Variants in LOXL2 observed in about 807,000 individuals in gnomAD.
LOXL2 encodes the protein lysyl oxidase homolog 2.
LOXL2 carries 70 observed loss-of-function variants against 93.0 expected under a neutral mutation model. The observed-to-expected ratio is 0.75, with a 90% CI of 0.62 to 0.92. LOXL2 has a LOEUF of 0.92. Among genes scored for constraint, LOXL2 ranks in the 40% least tolerant of loss-of-function variants. The probability of loss-of-function intolerance (pLI) is 0.00; values close to 1 mark genes in which losing one functional copy is unlikely to be tolerated. For missense variants in LOXL2, 973 were observed against 1,054.9 expected, an observed-to-expected ratio of 0.92 and a Z score of 1.08; for synonymous variants, 438 against 413.2, an observed-to-expected ratio of 1.06 and a Z score of -0.73.
chr8:23,374,891 A>G (rs1804562313), intron 1 of LOXL2, among the ~76,000 whole-genome samples: 1 of 152,156 alleles, frequency 6.6e-6, no homozygotes, highest in African/African-American at 2.4e-5. Context: ...CCCATTTTGT[A>G]GGTTGCCTGT....
chr8:23,304,290 T>G (rs1180437657), intron 10 of LOXL2, among the ~76,000 whole-genome samples: 1 of 152,208 alleles, frequency 6.6e-6, no homozygotes. Flanking sequence ...TTGGAACACA[T>G]GCGCTTGGTT....
At chr8:23,385,448 A>AG (rs1185580579) in intron 1 of LOXL2, among the ~76,000 whole-genome samples, 3 of 149,552 alleles carry the variant, frequency 2.0e-5, no homozygotes, top group Non-Finnish European at 4.4e-5. Context: ...TCAGTAGAGA[A>AG]GGGGTTTCAC....
Position 23,322,177 on chromosome 8 carries a change from C to T in LOXL2, c.1255G>A (p.Asp419Asn). 6.2e-7 allele frequency: 1 copy of T among 1,614,226 alleles called. No individual in the cohort carries two copies. The highest frequency in any genetic ancestry group is 8.5e-7 in the Non-Finnish European group (1 of 1,180,034). Residue 419 changes from aspartate (D) to asparagine (N), a missense_variant, in exon 7 of 14, where the codon GAT (aspartate) becomes AAT (asparagine). By Grantham distance (23) the Asp-to-Asn change is conservative. Transcript: ENST00000389131. ...AESQGCNHEE[D>N]AGVRCNTPAM... is the part of the protein sequence containing the mutation. ...GGGGTGTTGCATCTCACACCAGCAT[C>T]CTCCTCGTGGTTGCAGCCCTGAGAC... is the stretch of plus-strand genomic sequence containing the variant.
chr8:23,387,302 C>T (rs903331564), intron 1 of LOXL2, among the ~76,000 whole-genome samples: 3 of 152,194 alleles, frequency 2.0e-5, no homozygotes, highest in African/African-American at 2.4e-5. Context: ...GGCACTGTGT[C>T]CTCGGGGGGT....
rs1803741181 is a variant in LOXL2 at position 23,333,568 on chromosome 8, CG to C, written c.798del (p.Gly267AlafsTer20). ...QRYWPFSMDC[T>X]GTEAHISSCK... ...CAGCTGGAGATGTGGGCCTCTGTGC[CG>C]GTGCAGTCCATGGAGAATGGCCAGT... On this transcript the variant is annotated frameshift_variant, in exon 5 of 14. Coordinates refer to ENST00000389131, the MANE Select transcript of LOXL2 (RefSeq NM_002318.3). LOFTEE classifies it high-confidence loss of function. 6.2e-7 allele frequency: 1 copy of C among 1,613,860 alleles called. No individual in the cohort carries two copies. The highest frequency in any genetic ancestry group is 1.3e-5 in the African/African-American group (1 of 75,068).
chr8:23,363,146 T>G (rs1804330192), intron 2 of LOXL2: 1 of 152,262 alleles, frequency 6.6e-6, no homozygotes, highest in South Asian at 2.1e-4. Context: ...AAGCAATGCA[T>G]TCTACTGCTT....
At chr8:23,345,925 A>G (rs1803964056) in intron 3 of LOXL2, among the ~76,000 whole-genome samples, 1 of 151,524 alleles carries the variant, frequency 6.6e-6, no homozygotes, top group African/African-American at 2.4e-5. Flanking sequence ...AAAATTAGCC[A>G]GGCATGGTGG....
rs80120691 is a variant in LOXL2 at position 23,308,875 on chromosome 8, C to T, written c.1880+793G>A. 9.1e-3 allele frequency among the ~76,000 whole-genome samples: 1,381 copies of T among 152,018 alleles called. 84 individuals carry two copies. The East Asian group carries it at 0.16, about 18-fold the overall frequency. ...ATGCAGCTCGCTAGAGGCACGGCTG[C>T]GTTTAGAGACCAGGTCTCAGGACTC... On this transcript the variant is annotated intron_variant, in intron 10 of 13. Coordinates refer to ENST00000389131, the MANE Select transcript of LOXL2 (RefSeq NM_002318.3).
chr8:23,336,982 C>T (rs1803803241), intron 4 of LOXL2: 1 of 152,176 alleles, frequency 6.6e-6, no homozygotes, highest in South Asian at 2.1e-4. Context: ...ATAAAACTGG[C>T]TCAAGTACGG....
chr8:23,311,868 A>C (rs4871863), intron 9 of LOXL2, among the ~76,000 whole-genome samples: 3 of 152,118 alleles, frequency 2.0e-5, no homozygotes, highest in African/African-American at 7.2e-5. Flanking sequence ...CCTGTCGGGT[A>C]GGTGGTCAGG....
chr8:23,342,721 G>A (rs1404803379), intron 3 of LOXL2, among the ~76,000 whole-genome samples: 6 of 151,834 alleles, frequency 4.0e-5, no homozygotes, highest in African/African-American at 7.3e-5. Flanking sequence ...ATGAGCCACC[G>A]TGCCCGGCCT....
In LOXL2 at chr8:23,299,487, C is replaced by G. The variant is rs575002778; in HGVS notation, c.2134-540G>C. 2.0e-4 allele frequency among the ~76,000 whole-genome samples: 31 copies of G among 152,282 alleles called. No individual in the cohort carries two copies. In the South Asian group the frequency reaches 4.6e-3, roughly 22 times the overall value. ...GCTGGCCGAGGGCCTGGCTCTGGGG[C>G]TGCTGGAGAAGTTGCACCCTCTCCC... On this transcript the variant is annotated intron_variant, in intron 12 of 13. Transcript: ENST00000389131.
At chr8:23,335,469 AT>A (rs1322177257) in intron 4 of LOXL2, among the ~76,000 whole-genome samples, 1 of 152,144 alleles carries the variant, frequency 6.6e-6, no homozygotes, top group Non-Finnish European at 1.5e-5. Flanking sequence ...ATAAAACTGT[AT>A]TTGTTAAAGA....
At chr8:23,364,495 G>A (rs1342415445) in intron 2 of LOXL2, 2 of 152,184 alleles carry the variant, frequency 1.3e-5, no homozygotes, top group Admixed American at 1.3e-4. Flanking sequence ...ATGAAATTCA[G>A]TTGGAATGCC....
chr8:23,386,010 C>A (rs776488789), intron 1 of LOXL2: 1 of 765,242 alleles, frequency 1.3e-6, no homozygotes, highest in African/African-American at 1.7e-5. Flanking sequence ...CTTTGGACAA[C>A]CCCCTGAGCA....
chr8:23,371,700 C>T lies in LOXL2; in HGVS notation c.-83-3266G>A, dbSNP rs574735656. The stretch of plus-strand genomic sequence containing the variant: ...CCAGGAGGTGGAGGTTGCAGTGAGC[C>T]GAGGTCACGCCACTGCACTCCAGCC... On this transcript the variant is annotated intron_variant, in intron 1 of 13. Transcript: ENST00000389131. Among the ~76,000 whole-genome samples, 21 of 128,514 alleles carry T rather than the reference C, an allele frequency of 1.6e-4. No homozygotes were observed. The East Asian group carries it at 4.6e-3, about 28-fold the overall frequency. 84.3% of individuals were successfully genotyped at this position (128,514 alleles called of 152,430 possible). A position where few individuals can be genotyped will look rare whatever the true frequency, so the allele number is the denominator to read the frequency against.
chr8:23,345,862 ATTGG>A (rs1803963269), intron 3 of LOXL2, among the ~76,000 whole-genome samples: 1 of 151,938 alleles, frequency 6.6e-6, no homozygotes, highest in Non-Finnish European at 1.5e-5. Flanking sequence ...AGGTCAGGAG[ATTGG>A]GACCATCCTG....
intron 7 of LOXL2, among the ~76,000 whole-genome samples, chr8:23,321,006 G>A (rs1296910307): frequency 2.0e-5 from 3 of 152,184 alleles, no homozygotes; most frequent in Admixed American, 1.3e-4. Context: ...AGAAACAGAG[G>A]AGCAATTCTT....
intron 10 of LOXL2, among the ~76,000 whole-genome samples, chr8:23,305,164 G>A (rs929084468): frequency 3.3e-5 from 5 of 152,188 alleles, no homozygotes; most frequent in East Asian, 1.9e-4. Context: ...TGTCTGCATC[G>A]CTCAGAGAGG....
Sources: gnomAD v4.1 joint callset for allele counts (sites outside exome capture counted in the v4.1 genomes callset) on GRCh38, gnomAD v4.1.1 for gene constraint, MANE v1.5 for transcripts, NCBI Gene and HGNC (gene_info 2026-07-23, HGNC 2026-07-21) for gene names.